Variants in GPC6 observed in about 807,000 individuals in gnomAD.
GPC6 encodes glypican 6.
GPC6 carries 14 observed loss-of-function variants against 55.2 expected under a neutral mutation model. The ratio of observed to expected loss-of-function variants is 0.25; its 90% CI spans 0.17 to 0.40. GPC6 has a LOEUF of 0.40. Among genes scored for constraint, GPC6 ranks in the 10% least tolerant of loss-of-function variants. GPC6 has a pLI of 1.00. For missense variants in GPC6, 641 were observed against 708.5 expected (o/e 0.90, Z 1.08); for synonymous variants, 278 against 259.6 (o/e 1.07, Z -0.68).
intron 2 of GPC6, among the ~76,000 whole-genome samples, chr13:93,649,155 A>G (rs1880300860): frequency 6.6e-6 from 1 of 152,178 alleles, no homozygotes. Flanking sequence ...TCAATAAGAT[A>G]TATTTTAAAA....
At chr13:94,360,299 A>C (rs568004559) in intron 6 of GPC6, among the ~76,000 whole-genome samples, 10 of 152,306 alleles carry the variant, frequency 6.6e-5, no homozygotes, top group African/African-American at 2.4e-4. Context: ...ATTTCCGCTG[A>C]TAGTTAAGAC....
intron 4 of GPC6, among the ~76,000 whole-genome samples, chr13:94,072,654 C>G (rs1047036710): frequency 1.3e-5 from 2 of 152,166 alleles, no homozygotes; most frequent in Admixed American, 1.3e-4. Flanking sequence ...ACCCGGCCGC[C>G]CCTTGTATAT....
At chr13:94,247,994 G>A (rs779862727) in intron 4 of GPC6, among the ~76,000 whole-genome samples, 2 of 151,938 alleles carry the variant, frequency 1.3e-5, no homozygotes, top group Non-Finnish European at 2.9e-5. Flanking sequence ...ATGCCACTGT[G>A]CCCAGCTTTG....
At chr13:94,251,116 C>T (rs558200210) in intron 4 of GPC6, among the ~76,000 whole-genome samples, 4 of 152,148 alleles carry the variant, frequency 2.6e-5, no homozygotes, top group Non-Finnish European at 5.9e-5. Flanking sequence ...CCATAGAATA[C>T]TATGCAGCCA....
At chr13:93,494,380 A>T (rs1419326422) in intron 1 of GPC6, among the ~76,000 whole-genome samples, 1 of 147,326 alleles carries the variant, frequency 6.8e-6, no homozygotes, top group South Asian at 2.2e-4. Flanking sequence ...TGCTTGGTAG[A>T]TCTTCCTCCA....
intron 2 of GPC6, among the ~76,000 whole-genome samples, chr13:93,549,671 C>T (rs546988701): frequency 8.5e-5 from 13 of 152,192 alleles, no homozygotes; most frequent in Admixed American, 2.6e-4. Context: ...CCGCCTATCC[C>T]TCTATCTCAC....
At chr13:94,081,169 T>C (rs1394763274) in intron 4 of GPC6, among the ~76,000 whole-genome samples, 2 of 152,200 alleles carry the variant, frequency 1.3e-5, no homozygotes, top group African/African-American at 2.4e-5. Flanking sequence ...AAAAGACTCA[T>C]TAAGAAATTA....
intron 4 of GPC6, among the ~76,000 whole-genome samples, chr13:94,044,954 T>C (rs946236598): frequency 6.6e-6 from 1 of 151,948 alleles, no homozygotes; most frequent in African/African-American, 2.4e-5. Context: ...ATATTCTTGC[T>C]AATATAACTA....
chr13:93,873,945 C>T lies in GPC6; in HGVS notation c.711+43400C>T, dbSNP rs1460039263. 2.6e-5 allele frequency among the ~76,000 whole-genome samples: 4 copies of T among 151,954 alleles called. No individual in the cohort carries two copies. In the East Asian group the frequency reaches 7.8e-4, roughly 30 times the overall value. Reference sequence around the variant, plus strand: ...AGCATTACCATCTCCACTGCTCCACCTTACTCTCAGCCACCATCATGTCTT... The same window carrying T: ...AGCATTACCATCTCCACTGCTCCACTTTACTCTCAGCCACCATCATGTCTT... On this transcript the variant is annotated intron_variant, in intron 3 of 8. Transcript: ENST00000377047.
At chr13:93,676,480 G>A (rs1384522136) in intron 2 of GPC6, among the ~76,000 whole-genome samples, 2 of 151,854 alleles carry the variant, frequency 1.3e-5, no homozygotes, top group Non-Finnish European at 2.9e-5. Context: ...GGGGAATGAG[G>A]AGCAAATTCA....
At chr13:93,249,526 G>A (rs1876715403) in intron 1 of GPC6, among the ~76,000 whole-genome samples, 1 of 152,182 alleles carries the variant, frequency 6.6e-6, no homozygotes, top group African/African-American at 2.4e-5. Context: ...GTTGAAAGAG[G>A]TTGGCATTTC....
At chr13:93,905,522 G>A (rs536955650) in intron 3 of GPC6, among the ~76,000 whole-genome samples, 2 of 152,130 alleles carry the variant, frequency 1.3e-5, no homozygotes, top group Non-Finnish European at 2.9e-5. Context: ...ATAGGAATGG[G>A]TATGCTCTCA....
chr13:94,166,380 G>T (rs757161463), intron 4 of GPC6, among the ~76,000 whole-genome samples: 1 of 152,068 alleles, frequency 6.6e-6, no homozygotes, highest in Non-Finnish European at 1.5e-5. Context: ...TCTTTTCCTA[G>T]GCTTTGCCTT....
chr13:93,682,761 A>G (rs758116232), intron 2 of GPC6, among the ~76,000 whole-genome samples: 1 of 150,790 alleles, frequency 6.6e-6, no homozygotes, highest in Non-Finnish European at 1.5e-5. Context: ...TAATCCCAGC[A>G]CTTTGGGAGG....
At chr13:94,190,475 T>C (rs1889354869) in intron 4 of GPC6, among the ~76,000 whole-genome samples, 2 of 152,142 alleles carry the variant, frequency 1.3e-5, no homozygotes, top group African/African-American at 4.8e-5. Context: ...ATCACTTTAG[T>C]TGATGACAAA....
At chr13:94,387,945 C>T (rs191882085) in intron 7 of GPC6, among the ~76,000 whole-genome samples, 18 of 152,236 alleles carry the variant, frequency 1.2e-4, no homozygotes, top group Admixed American at 7.2e-4. Flanking sequence ...CAAGCTAAGA[C>T]GGTAAGTCTA....
At chr13:94,297,993 T>A (rs886798929) in intron 5 of GPC6, among the ~76,000 whole-genome samples, 87 of 152,162 alleles carry the variant, frequency 5.7e-4, no homozygotes, top group African/African-American at 2.1e-3. Context: ...TAAGGATGAA[T>A]AACTGTTTTG....
intron 1 of GPC6, among the ~76,000 whole-genome samples, chr13:93,232,959 C>G (rs868443394): frequency 6.6e-6 from 1 of 152,162 alleles, no homozygotes; most frequent in Admixed American, 6.5e-5. Context: ...TAATTCACAT[C>G]TTTCAAATTA....
intron 3 of GPC6, among the ~76,000 whole-genome samples, chr13:93,954,821 T>C (rs1476064837): frequency 6.6e-6 from 1 of 152,168 alleles, no homozygotes; most frequent in Non-Finnish European, 1.5e-5. Context: ...CCAAAACTCC[T>C]CACTTACCCC....
Sources: gnomAD v4.1 joint callset for allele counts (sites outside exome capture counted in the v4.1 genomes callset) on GRCh38, gnomAD v4.1.1 for gene constraint, MANE v1.5 for transcripts, NCBI Gene and HGNC (gene_info 2026-07-23, HGNC 2026-07-21) for gene names.